DSCAM: variants seen among roughly 807,000 people sequenced by gnomAD.
DSCAM encodes DS cell adhesion molecule, also known as cell adhesion molecule DSCAM.
Under a neutral mutation model 217.7 loss-of-function variants are expected in DSCAM, and 47 were observed. The ratio of observed to expected loss-of-function variants is 0.22; its 90% CI spans 0.17 to 0.28. The LOEUF (loss-of-function observed/expected upper bound fraction) is 0.28. DSCAM is among the 10% of genes least tolerant of loss of function. The pLI, the probability that DSCAM is intolerant of heterozygous loss-of-function variation, is 1.00. For synonymous variants in DSCAM, 1,056 were observed against 1,015.3 expected (o/e 1.04, Z -0.76); for missense variants, 2,080 against 2,618.3 (o/e 0.79, Z 4.49).
intron 3 of DSCAM, among the ~76,000 whole-genome samples, chr21:40,559,336 T>C (rs1356949184): frequency 6.6e-6 from 1 of 151,916 alleles, no homozygotes; most frequent in Non-Finnish European, 1.5e-5. Flanking sequence ...CGGGCGCCTG[T>C]AGTCCCAGCT....
intron 3 of DSCAM, among the ~76,000 whole-genome samples, chr21:40,573,161 C>A (rs1242479121): frequency 1.3e-5 from 2 of 152,062 alleles, no homozygotes; most frequent in Admixed American, 1.3e-4. Flanking sequence ...CACATTGAAA[C>A]CCCGTCTCTA....
At chr21:40,118,544 G>A (rs746406015) in intron 20 of DSCAM, among the ~76,000 whole-genome samples, 33 of 152,102 alleles carry the variant, frequency 2.2e-4, no homozygotes, top group Non-Finnish European at 3.7e-4. Flanking sequence ...CCGAGATTGC[G>A]CCACTGCACT....
At chr21:40,430,000 T>C (rs1294920068) in intron 3 of DSCAM, among the ~76,000 whole-genome samples, 5 of 152,176 alleles carry the variant, frequency 3.3e-5, no homozygotes, top group African/African-American at 4.8e-5. Context: ...ATTAAGACCT[T>C]GTGTAAAATA....
intron 30 of DSCAM, among the ~76,000 whole-genome samples, chr21:40,050,242 C>T (rs954337903): frequency 3.3e-5 from 5 of 152,156 alleles, no homozygotes; most frequent in African/African-American, 9.7e-5. Context: ...GAGAACGAGA[C>T]CCAGGGCATC....
At chr21:40,636,134 C>T (rs139485588) in intron 3 of DSCAM, among the ~76,000 whole-genome samples, 3 of 152,244 alleles carry the variant, frequency 2.0e-5, no homozygotes, top group African/African-American at 7.2e-5. Flanking sequence ...CTGAGTGAGG[C>T]CTGGGCACAG....
chr21:40,097,776 C>G (rs1487236365), intron 20 of DSCAM, among the ~76,000 whole-genome samples: 1 of 151,342 alleles, frequency 6.6e-6, no homozygotes, highest in Non-Finnish European at 1.5e-5. Flanking sequence ...CCTGTCTCTA[C>G]TAAAAACACA....
intron 1 of DSCAM, among the ~76,000 whole-genome samples, chr21:40,709,845 G>GC (rs749626139): frequency 6.6e-6 from 1 of 152,168 alleles, no homozygotes; most frequent in Non-Finnish European, 1.5e-5. Context: ...AATCTTTTGG[G>GC]TGTATACCCA....
chr21:40,579,461 G>C (rs1023848697), intron 3 of DSCAM, among the ~76,000 whole-genome samples: 1 of 152,080 alleles, frequency 6.6e-6, no homozygotes, highest in Non-Finnish European at 1.5e-5. Context: ...TAGGAGACCT[G>C]GAAGAAGACG....
chr21:40,557,510 G>A (rs1030980420), intron 3 of DSCAM, among the ~76,000 whole-genome samples: 3 of 152,002 alleles, frequency 2.0e-5, no homozygotes, highest in East Asian at 1.9e-4. Flanking sequence ...GCCCAACACC[G>A]GGCCCGGCTA....
chr21:40,472,147 TCAGCCTCC>T (rs1466808236), intron 3 of DSCAM, among the ~76,000 whole-genome samples: 6 of 152,220 alleles, frequency 3.9e-5, no homozygotes, highest in African/African-American at 1.4e-4. Flanking sequence ...TGTCCAGAGC[TCAGCCTCC>T]CAACCCTCCT....
intron 3 of DSCAM, among the ~76,000 whole-genome samples, chr21:40,601,961 T>A (rs1054461375): frequency 1.3e-5 from 2 of 152,058 alleles, no homozygotes; most frequent in Non-Finnish European, 1.5e-5. Flanking sequence ...GAGCTATTGA[T>A]CTGTAGTTTT....
chr21:40,773,003 C>T (rs1157225496), intron 1 of DSCAM, among the ~76,000 whole-genome samples: 1 of 152,340 alleles, frequency 6.6e-6, no homozygotes, highest in East Asian at 1.9e-4. Context: ...AAGCATTGGC[C>T]CTATTGCCAC....
intron 8 of DSCAM, among the ~76,000 whole-genome samples, chr21:40,321,616 C>CTTTTTTTTTTTTTTTTTTTTTTTTCTTTT (rs548006636): frequency 7.3e-6 from 1 of 136,564 alleles, no homozygotes. Context: ...ACTGGTCATT[C>CTTTTTTTTTTTTTTTTTTTTTTTTCTTTT]TTTTTTTTTT....
rs542372497 is a variant in DSCAM, at chr21:40,083,588, CTT to C, written c.4231+318_4231+319del. Among the ~76,000 whole-genome samples the C allele has an allele frequency of 2.0e-5, 3 of 152,286 alleles. No individual in the cohort carries two copies. The South Asian group carries it at 6.2e-4, about 32-fold the overall frequency. ...TACCCATGGTTACATAAATGAATGA[CTT>C]TGTGTTGACAAAATAAAAAAGAAAC... On this transcript the variant is annotated intron_variant, in intron 24 of 32. Coordinates refer to ENST00000400454, the MANE Select transcript of DSCAM (RefSeq NM_001389.5).
intron 3 of DSCAM, 74 bp from the exon 4 acceptor site, chr21:40,369,319 A>G (rs554846308): frequency 6.7e-7 from 1 of 1,485,566 alleles, no homozygotes; most frequent in African/African-American, 1.4e-5. Flanking sequence ...AAGTCCTTAA[A>G]CAGTTTTTTT....
intron 1 of DSCAM, among the ~76,000 whole-genome samples, chr21:40,814,021 T>C (rs956955144): frequency 6.6e-6 from 1 of 152,206 alleles, no homozygotes; most frequent in Non-Finnish European, 1.5e-5. Flanking sequence ...CTGAATCTTT[T>C]GGTCTCTTGC....
chr21:40,834,301 C>G (rs1390423523), intron 1 of DSCAM, among the ~76,000 whole-genome samples: 2 of 151,364 alleles, frequency 1.3e-5, no homozygotes, highest in South Asian at 2.1e-4. Flanking sequence ...CAGCTACTCG[C>G]CAGGCTGAGG....
At chr21:40,143,106 T>A (rs1464352507) in intron 17 of DSCAM, among the ~76,000 whole-genome samples, 1 of 152,230 alleles carries the variant, frequency 6.6e-6, no homozygotes, top group Non-Finnish European at 1.5e-5. Context: ...ACGGTACCTC[T>A]GTATTTAGTA....
chr21:40,173,037 C>A (rs1456189562), intron 15 of DSCAM, among the ~76,000 whole-genome samples: 1 of 152,074 alleles, frequency 6.6e-6, no homozygotes, highest in African/African-American at 2.4e-5. Flanking sequence ...ATTTATTTAA[C>A]CTACTTATTT....
Sources: gnomAD v4.1 joint callset for allele counts (sites outside exome capture counted in the v4.1 genomes callset) on GRCh38, gnomAD v4.1.1 for gene constraint, MANE v1.5 for transcripts, NCBI Gene and HGNC (gene_info 2026-07-23, HGNC 2026-07-21) for gene names.